NELL1: variants seen among roughly 807,000 people sequenced by gnomAD.
NELL1 encodes protein kinase C-binding protein NELL1.
NELL1 carries 76 observed loss-of-function variants against 107.4 expected under a neutral mutation model. The observed-to-expected ratio is 0.71, with a 90% confidence interval of 0.59 to 0.86. The LOEUF (loss-of-function observed/expected upper bound fraction) is 0.86, where lower values mean the gene tolerates loss of function less well. NELL1 is among the 40% of genes least tolerant of loss of function. The pLI, the probability that NELL1 is intolerant of heterozygous loss-of-function variation, is 0.00. For missense variants in NELL1, 1,024 were observed against 1,005.5 expected (o/e 1.02, Z -0.25); for synonymous variants, 353 against 341.2 (o/e 1.03, Z -0.38).
intron 12 of NELL1, among the ~76,000 whole-genome samples, chr11:21,076,854 T>G (rs2134387867): frequency 6.6e-6 from 1 of 152,236 alleles, no homozygotes; most frequent in African/African-American, 2.4e-5. Context: ...TCTCTCTCAC[T>G]GTGTGATCTC....
chr11:21,241,441 T>A (rs1228823869), intron 14 of NELL1, among the ~76,000 whole-genome samples: 2 of 152,278 alleles, frequency 1.3e-5, no homozygotes, highest in East Asian at 1.9e-4. Context: ...ATAGATCTGT[T>A]ACCTTTTAAT....
chr11:21,273,968 T>A (rs1848797271), intron 14 of NELL1, among the ~76,000 whole-genome samples: 1 of 152,136 alleles, frequency 6.6e-6, no homozygotes, highest in African/African-American at 2.4e-5. Context: ...GTAAAGACTA[T>A]CGAGGCTAGG....
intron 14 of NELL1, among the ~76,000 whole-genome samples, chr11:21,240,798 G>T (rs7117679): frequency 6.7e-6 from 1 of 148,846 alleles, no homozygotes; most frequent in African/African-American, 2.5e-5. Context: ...TATTGGATGC[G>T]CTTAAAACAC....
At chr11:21,110,454 C>T (rs1192924430) in intron 12 of NELL1, among the ~76,000 whole-genome samples, 6 of 152,092 alleles carry the variant, frequency 3.9e-5, no homozygotes. Flanking sequence ...AAAGAAATAG[C>T]TTGGCTGGCT....
chr11:20,805,653 C>A (rs1282179606), intron 3 of NELL1, among the ~76,000 whole-genome samples: 3 of 152,174 alleles, frequency 2.0e-5, no homozygotes, highest in African/African-American at 7.2e-5. Context: ...CAGGTGCCCA[C>A]CACCATGCCC....
At chr11:21,234,682 A>G (rs1858155881) in intron 14 of NELL1, among the ~76,000 whole-genome samples, 2 of 152,184 alleles carry the variant, frequency 1.3e-5, no homozygotes, top group Non-Finnish European at 2.9e-5. Flanking sequence ...CATTGAGTGC[A>G]TGTGCAGACA....
At chr11:20,682,472 T>C (rs114815290) in intron 2 of NELL1, among the ~76,000 whole-genome samples, 6,608 of 152,086 alleles carry the variant, frequency 0.043, 508 homozygotes, top group African/African-American at 0.15. Context: ...AATTTTTAAT[T>C]TGTAGTAATT....
intron 12 of NELL1, among the ~76,000 whole-genome samples, chr11:21,083,203 C>T (rs1302029538): frequency 1.3e-5 from 2 of 152,102 alleles, no homozygotes; most frequent in Non-Finnish European, 2.9e-5. Flanking sequence ...AGGTGTCAAC[C>T]ACGGGGCCAT....
At chr11:21,513,067 C>T (rs1198848663) in intron 15 of NELL1, among the ~76,000 whole-genome samples, 1 of 152,138 alleles carries the variant, frequency 6.6e-6, no homozygotes, top group Admixed American at 6.6e-5. Context: ...AGCAGCAAGG[C>T]CACAGTCAGC....
intron 14 of NELL1, among the ~76,000 whole-genome samples, chr11:21,255,511 A>C (rs1257199331): frequency 6.6e-6 from 1 of 152,052 alleles, no homozygotes; most frequent in African/African-American, 2.4e-5. Context: ...GATTGCATTC[A>C]GGCAAACATC....
chr11:20,738,158 C>T (rs1216502151), intron 2 of NELL1, among the ~76,000 whole-genome samples: 3 of 152,078 alleles, frequency 2.0e-5, no homozygotes, highest in Non-Finnish European at 2.9e-5. Flanking sequence ...AGGGTGTGTG[C>T]GTGTGCACAG....
intron 15 of NELL1, among the ~76,000 whole-genome samples, chr11:21,429,899 C>T (rs1852924640): frequency 6.6e-6 from 1 of 152,286 alleles, no homozygotes; most frequent in South Asian, 2.1e-4. Context: ...TAGCACTTAT[C>T]TACTTTAATC....
intron 12 of NELL1, among the ~76,000 whole-genome samples, chr11:21,009,864 G>A (rs527872720): frequency 7.2e-5 from 11 of 152,118 alleles, no homozygotes; most frequent in African/African-American, 2.4e-4. Context: ...CTGGTAGGCT[G>A]GTTAGTACAT....
intron 12 of NELL1, among the ~76,000 whole-genome samples, chr11:21,007,620 C>T (rs896381372): frequency 6.6e-6 from 1 of 151,758 alleles, no homozygotes; most frequent in Non-Finnish European, 1.5e-5. Flanking sequence ...AACAAGGCAG[C>T]CAGATTCCAT....
chr11:20,969,753 T>A (rs11025840), intron 12 of NELL1, among the ~76,000 whole-genome samples: 24,545 of 151,536 alleles, frequency 0.16, 2,321 homozygotes, highest in East Asian at 0.25. Context: ...CATTGGAGAG[T>A]CACCCAATTC....
intron 13 of NELL1, among the ~76,000 whole-genome samples, chr11:21,204,896 G>A (rs988323321): frequency 6.6e-6 from 1 of 152,084 alleles, no homozygotes; most frequent in African/African-American, 2.4e-5. Context: ...GAGTTTGCTG[G>A]AGGTCCACTC....
intron 12 of NELL1, among the ~76,000 whole-genome samples, chr11:21,047,437 C>CTATTAATAAATG (rs1853383530): frequency 6.6e-6 from 1 of 152,048 alleles, no homozygotes; most frequent in Admixed American, 6.6e-5. Context: ...AACCTAATGG[C>CTATTAATAAATG]TATTAATAAA....
chr11:21,238,045 A>G (rs1466446117), intron 14 of NELL1, among the ~76,000 whole-genome samples: 2 of 152,072 alleles, frequency 1.3e-5, no homozygotes, highest in Non-Finnish European at 2.9e-5. Context: ...CCTTACAGGT[A>G]TCTCAAACCT....
At chr11:20,787,334 A>G (rs1856988762) in intron 3 of NELL1, among the ~76,000 whole-genome samples, 1 of 152,128 alleles carries the variant, frequency 6.6e-6, no homozygotes, top group Non-Finnish European at 1.5e-5. Flanking sequence ...AGAGAAGAAT[A>G]TATAATGGCA....
Sources: gnomAD v4.1 joint callset for allele counts (sites outside exome capture counted in the v4.1 genomes callset) on GRCh38, gnomAD v4.1.1 for gene constraint, MANE v1.5 for transcripts, NCBI Gene and HGNC (gene_info 2026-07-23, HGNC 2026-07-21) for gene names.